Variants in ME3 observed in about 807,000 individuals in gnomAD.
The protein encoded by ME3 is NADP-dependent malic enzyme, mitochondrial.
In ME3, 48 loss-of-function variants were observed where a neutral mutation model predicts 68.9. The observed-to-expected ratio is 0.70, with a 90% CI of 0.55 to 0.89. ME3 has a LOEUF of 0.89. Among genes scored for constraint, ME3 ranks in the 40% least tolerant of loss-of-function variants. The pLI is 0.00. For synonymous variants in ME3, 320 were observed against 318.8 expected (o/e 1.00, Z -0.04); for missense variants, 675 against 797.4 (o/e 0.85, Z 1.85).
chr11:86,492,326 G>A (rs1952055446), intron 6 of ME3, among the ~76,000 whole-genome samples: 1 of 152,228 alleles, frequency 6.6e-6, no homozygotes, highest in African/African-American at 2.4e-5. Flanking sequence ...GGGCTAAGGA[G>A]ATGCTGAATT....
At chr11:86,462,425 G>A (rs970109024) in intron 8 of ME3, 2 of 356,530 alleles carry the variant, frequency 5.6e-6, no homozygotes, top group East Asian at 3.3e-4. Flanking sequence ...TTCTGGAGAG[G>A]CAAAAGTTAT....
rs74577981 is a variant in ME3, at chr11:86,445,088, C to A, written c.1554+1226G>T. On this transcript the variant is annotated intron_variant, in intron 13 of 14. Transcript: ENST00000543262. The stretch of plus-strand genomic sequence containing the variant: ...TGTTTTTACTCAACAGAGGACTTTG[C>A]TTTCAGGCTGACTTCAAGCAGAAAG... Among the ~76,000 whole-genome samples, 307 of 152,294 alleles carry A rather than the reference C, an allele frequency of 2.0e-3. 1 individual carries two copies. The highest frequency in any genetic ancestry group is 7.0e-3 in the African/African-American group (291 of 41,564).
intron 7 of ME3, among the ~76,000 whole-genome samples, chr11:86,469,216 C>T (rs1452052048): frequency 6.6e-6 from 1 of 152,150 alleles, no homozygotes; most frequent in Non-Finnish European, 1.5e-5. Context: ...GTTTCCTGGT[C>T]TGAGAGCATT....
At chr11:86,659,997 C>T (rs534360150) in intron 2 of ME3, among the ~76,000 whole-genome samples, 1 of 152,268 alleles carries the variant, frequency 6.6e-6, no homozygotes, top group African/African-American at 2.4e-5. Context: ...TATCCACTAT[C>T]TTCAACACCA....
intron 7 of ME3, among the ~76,000 whole-genome samples, chr11:86,475,255 G>A (rs943863958): frequency 6.6e-6 from 1 of 152,084 alleles, no homozygotes; most frequent in African/African-American, 2.4e-5. Flanking sequence ...GTTGTCATGA[G>A]GTCTGGTTGT....
At chr11:86,600,969 T>C (rs1229789924) in intron 2 of ME3, among the ~76,000 whole-genome samples, 2 of 151,138 alleles carry the variant, frequency 1.3e-5, no homozygotes, top group African/African-American at 2.4e-5. Context: ...AGAGGGAAAT[T>C]TATAGCACTA....
Position 86,500,331 on chromosome 11 carries a change from G to A in ME3, c.544-2207C>T, listed in dbSNP as rs184741308. ...AACCCTAGGATGGTGACAGGGCTCT[G>A]TAGTGGCACTCTCCCAGCCTGGACA... On this transcript the variant is annotated intron_variant, in intron 5 of 14. Transcript: ENST00000543262. Among the ~76,000 whole-genome samples, 10 of 152,374 alleles carry A rather than the reference G, an allele frequency of 6.6e-5. No homozygotes were observed. The East Asian group carries it at 1.9e-3, about 29-fold the overall frequency.
chr11:86,657,186 C>G (rs1486262150), intron 2 of ME3, among the ~76,000 whole-genome samples: 1 of 152,148 alleles, frequency 6.6e-6, no homozygotes, highest in Non-Finnish European at 1.5e-5. Flanking sequence ...TATTGCAGCA[C>G]TATTCACAAT....
At chr11:86,522,577 GTGTC>G (rs1199451595) in intron 4 of ME3, among the ~76,000 whole-genome samples, 2 of 151,354 alleles carry the variant, frequency 1.3e-5, no homozygotes, top group Admixed American at 6.6e-5. Context: ...TCCCCTCCCT[GTGTC>G]TGTGTGTTTT....
chr11:86,467,521 G>A (rs1195695817), intron 7 of ME3, among the ~76,000 whole-genome samples: 1 of 152,122 alleles, frequency 6.6e-6, no homozygotes, highest in Non-Finnish European at 1.5e-5. Flanking sequence ...GGTTGCTGGT[G>A]ACATTTTGCT....
At chr11:86,449,094 C>G (rs976141246) in intron 10 of ME3, among the ~76,000 whole-genome samples, 3 of 152,202 alleles carry the variant, frequency 2.0e-5, no homozygotes, top group African/African-American at 7.2e-5. Flanking sequence ...CAATAGGAAG[C>G]TCAGTTCTGC....
chr11:86,533,597 A>G (rs1202247117), intron 4 of ME3, among the ~76,000 whole-genome samples: 1 of 152,196 alleles, frequency 6.6e-6, no homozygotes, highest in Admixed American at 6.5e-5. Context: ...TCTTTCTCAA[A>G]TTCTTCCAAA....
intron 8 of ME3, among the ~76,000 whole-genome samples, chr11:86,455,314 G>A (rs540283677): frequency 5.4e-4 from 83 of 152,336 alleles, no homozygotes; most frequent in Non-Finnish European, 9.1e-4. Flanking sequence ...AACACAGTGG[G>A]TAGTCAGAGA....
At chr11:86,536,166 T>C (rs886690653) in intron 4 of ME3, among the ~76,000 whole-genome samples, 8 of 152,230 alleles carry the variant, frequency 5.3e-5, no homozygotes, top group Non-Finnish European at 1.2e-4. Flanking sequence ...TTGGCAGCAT[T>C]GTATTTGAGT....
At chr11:86,654,473 T>C (rs934457962) in intron 2 of ME3, among the ~76,000 whole-genome samples, 1 of 152,172 alleles carries the variant, frequency 6.6e-6, no homozygotes, top group Non-Finnish European at 1.5e-5. Flanking sequence ...ATCCAGCATA[T>C]AAACAGAACC....
chr11:86,654,517 G>A (rs1311266382), intron 2 of ME3, among the ~76,000 whole-genome samples: 1 of 152,200 alleles, frequency 6.6e-6, no homozygotes, highest in African/African-American at 2.4e-5. Flanking sequence ...CTCAATAGAT[G>A]CAGAAAAGGC....
At chr11:86,655,345 C>A (rs1488709197) in intron 2 of ME3, among the ~76,000 whole-genome samples, 1 of 152,122 alleles carries the variant, frequency 6.6e-6, no homozygotes, top group Non-Finnish European at 1.5e-5. Flanking sequence ...TGACTTCAAA[C>A]TATACTACAA....
chr11:86,508,588 A>G (rs574862886), intron 5 of ME3, among the ~76,000 whole-genome samples: 7 of 152,334 alleles, frequency 4.6e-5, no homozygotes, highest in Admixed American at 1.3e-4. Context: ...ATGAAGGGCA[A>G]TGTCACATGG....
At chr11:86,606,335 C>A (rs1961645338) in intron 2 of ME3, among the ~76,000 whole-genome samples, 1 of 152,088 alleles carries the variant, frequency 6.6e-6, no homozygotes, top group East Asian at 1.9e-4. Flanking sequence ...TGCTGAGCTG[C>A]AGTTGGGGAA....
Sources: gnomAD v4.1 joint callset for allele counts (sites outside exome capture counted in the v4.1 genomes callset) on GRCh38, gnomAD v4.1.1 for gene constraint, MANE v1.5 for transcripts, NCBI Gene and HGNC (gene_info 2026-07-23, HGNC 2026-07-21) for gene names.